NRG3: variants seen among roughly 807,000 people sequenced by gnomAD.
NRG3 encodes pro-neuregulin-3, membrane-bound isoform.
In NRG3, 31 loss-of-function variants were observed where a neutral mutation model predicts 66.9. That is an observed-to-expected ratio of 0.46 (90% CI 0.35 to 0.63). NRG3 has a LOEUF of 0.63. Ranked by LOEUF, NRG3 falls within the 20% of genes least tolerant of loss-of-function variation. NRG3 has a pLI of 0.00. For synonymous variants in NRG3, 393 were observed against 359.4 expected, an observed-to-expected ratio of 1.09 and a Z score of -1.06; for missense variants, 910 against 878.9, an observed-to-expected ratio of 1.04 and a Z score of -0.45.
intron 1 of NRG3, among the ~76,000 whole-genome samples, chr10:81,974,007 C>A (rs1202794890): frequency 1.3e-5 from 2 of 152,074 alleles, no homozygotes; most frequent in Non-Finnish European, 2.9e-5. Context: ...AATGACATTG[C>A]CTAGGTTGTC....
chr10:81,965,316 G>A (rs117199127), intron 1 of NRG3, among the ~76,000 whole-genome samples: 3 of 152,204 alleles, frequency 2.0e-5, no homozygotes, highest in African/African-American at 4.8e-5. Context: ...CTTATTAGAT[G>A]TGGGGACTTA....
intron 1 of NRG3, among the ~76,000 whole-genome samples, chr10:81,895,328 T>C (rs1374268724): frequency 6.6e-6 from 1 of 152,196 alleles, no homozygotes; most frequent in Non-Finnish European, 1.5e-5. Flanking sequence ...GAAAATGTTA[T>C]ATCATAGATA....
intron 2 of NRG3, among the ~76,000 whole-genome samples, chr10:82,553,297 G>A (rs1246461205): frequency 4.0e-5 from 6 of 151,464 alleles, no homozygotes; most frequent in East Asian, 1.9e-4. Context: ...AAAGACAAAC[G>A]AATAGGTAGG....
intron 1 of NRG3, among the ~76,000 whole-genome samples, chr10:82,162,815 C>T (rs777252124): frequency 2.0e-5 from 3 of 152,156 alleles, no homozygotes; most frequent in Non-Finnish European, 4.4e-5. Context: ...CAAAGTCCTC[C>T]CTTCATGACT....
chr10:81,970,082 T>G (rs1244476763), intron 1 of NRG3, among the ~76,000 whole-genome samples: 2 of 152,164 alleles, frequency 1.3e-5, no homozygotes, highest in Non-Finnish European at 2.9e-5. Flanking sequence ...TTGTACCTAT[T>G]AAGGGTGCTG....
chr10:82,440,622 G>A lies in NRG3; in HGVS notation c.953+81754G>A, dbSNP rs138613457. Among the ~76,000 whole-genome samples the A allele has an allele frequency of 3.7e-3, 563 of 152,012 alleles. 1 individual carries two copies. Among genetic ancestry groups the A allele is most frequent in the African/African-American group, 0.013 (533 of 41,468 alleles). ...AACATGACTTTGTGGAACTCTTGTGGAGATGGTAACTTTTTCCTGAATGCT... is the reference window on the plus strand; with the variant it reads ...AACATGACTTTGTGGAACTCTTGTGAAGATGGTAACTTTTTCCTGAATGCT... On this transcript the variant is annotated intron_variant, in intron 2 of 8. Coordinates refer to ENST00000372141, the MANE Select transcript of NRG3 (RefSeq NM_001010848.4).
intron 1 of NRG3, among the ~76,000 whole-genome samples, chr10:81,947,429 A>T (rs1381165893): frequency 6.6e-6 from 1 of 152,120 alleles, no homozygotes; most frequent in Non-Finnish European, 1.5e-5. Context: ...ATGACTTTTC[A>T]GGCTGGTGCC....
intron 1 of NRG3, among the ~76,000 whole-genome samples, chr10:82,229,829 A>G (rs1231024604): frequency 1.3e-5 from 2 of 152,210 alleles, no homozygotes; most frequent in African/African-American, 2.4e-5. Context: ...ATAGGAAAGA[A>G]TAGTAGAAAA....
intron 2 of NRG3, among the ~76,000 whole-genome samples, chr10:82,521,983 T>G (rs1010674150): frequency 9.9e-5 from 15 of 150,946 alleles, no homozygotes; most frequent in African/African-American, 3.4e-4. Flanking sequence ...GCTCTACCCC[T>G]AACTCTAGTT....
intron 1 of NRG3, among the ~76,000 whole-genome samples, chr10:82,321,554 A>G (rs1030413899): frequency 6.6e-6 from 1 of 151,970 alleles, no homozygotes; most frequent in African/African-American, 2.4e-5. Context: ...GCTTTATTCT[A>G]CCTCTATAAA....
intron 4 of NRG3, among the ~76,000 whole-genome samples, chr10:82,893,371 A>T (rs1247880790): frequency 2.0e-5 from 3 of 152,212 alleles, no homozygotes; most frequent in Non-Finnish European, 4.4e-5. Context: ...AAGTAATGAT[A>T]ATGGAAATTA....
At chr10:82,793,829 A>G (rs1015763320) in intron 3 of NRG3, among the ~76,000 whole-genome samples, 2 of 152,178 alleles carry the variant, frequency 1.3e-5, no homozygotes, top group East Asian at 1.9e-4. Flanking sequence ...CTCACATTCC[A>G]TAGACTCGAA....
At chr10:82,912,360 TTA>T (rs1296791328) in intron 4 of NRG3, among the ~76,000 whole-genome samples, 1 of 152,212 alleles carries the variant, frequency 6.6e-6, no homozygotes, top group African/African-American at 2.4e-5. Flanking sequence ...TTAAAAATTG[TTA>T]TGTTTTCTGG....
chr10:81,898,064 A>G (rs927607166), intron 1 of NRG3, among the ~76,000 whole-genome samples: 1 of 152,190 alleles, frequency 6.6e-6, no homozygotes, highest in African/African-American at 2.4e-5. Flanking sequence ...TTATTCTAAC[A>G]TGTGGCCAGG....
intron 2 of NRG3, among the ~76,000 whole-genome samples, chr10:82,603,898 T>A (rs1274925537): frequency 6.6e-6 from 1 of 152,168 alleles, no homozygotes; most frequent in Non-Finnish European, 1.5e-5. Context: ...AATAATAGCC[T>A]TTTTAAAGCA....
Position 82,374,837 on chromosome 10 carries a change from C to G in NRG3, c.953+15969C>G, listed in dbSNP as rs117074147. ...GTGCAGCCCAGCAATTATGCCAGAG[C>G]AAGCTTTCCTGCATACCCTTGTAAA... On this transcript the variant is annotated intron_variant, in intron 2 of 8. Transcript: ENST00000372141. 1.5e-3 allele frequency among the ~76,000 whole-genome samples: 223 copies of G among 152,300 alleles called. 5 individuals carry two copies. In the East Asian group the frequency reaches 0.021, roughly 14 times the overall value.
At chr10:81,984,817 A>G (rs2060462286) in intron 1 of NRG3, among the ~76,000 whole-genome samples, 1 of 152,232 alleles carries the variant, frequency 6.6e-6, no homozygotes. Context: ...AAAAAGACTC[A>G]AAAGGATAAG....
intron 1 of NRG3, among the ~76,000 whole-genome samples, chr10:82,073,717 A>G (rs1008962615): frequency 3.3e-5 from 5 of 152,116 alleles, no homozygotes; most frequent in South Asian, 2.1e-4. Flanking sequence ...ATTTTTTACT[A>G]TTACTTAGAA....
chr10:82,386,557 C>T lies in NRG3; in HGVS notation c.953+27689C>T, dbSNP rs547535877. Among the ~76,000 whole-genome samples, 173 of 152,228 alleles carry T rather than the reference C, an allele frequency of 1.1e-3. 1 individual carries two copies. The highest frequency in any genetic ancestry group is 3.8e-3 in the African/African-American group (158 of 41,540). ...AACTCTTCTCTTCTTATTCCTTTCTCATTTTCTCTAAAGAAATCTTATCGA... is the reference window on the plus strand; with the variant it reads ...AACTCTTCTCTTCTTATTCCTTTCTTATTTTCTCTAAAGAAATCTTATCGA... On this transcript the variant is annotated intron_variant, in intron 2 of 8. Transcript: ENST00000372141.
Sources: gnomAD v4.1 joint callset for allele counts (sites outside exome capture counted in the v4.1 genomes callset) on GRCh38, gnomAD v4.1.1 for gene constraint, MANE v1.5 for transcripts, NCBI Gene and HGNC (gene_info 2026-07-23, HGNC 2026-07-21) for gene names.